SWAP70: variants seen among roughly 807,000 people sequenced by gnomAD.
SWAP70 encodes switching B cell complex subunit SWAP70.
SWAP70 carries 34 observed loss-of-function variants against 80.2 expected under a neutral mutation model. The observed-to-expected ratio is 0.42, with a 90% CI of 0.32 to 0.56. The LOEUF is 0.56. Ranked by LOEUF, SWAP70 falls within the 20% of genes least tolerant of loss-of-function variation. The probability of loss-of-function intolerance (pLI) is 0.09; values close to 1 mark genes in which losing one functional copy is unlikely to be tolerated. For missense variants in SWAP70, 578 were observed against 690.7 expected (o/e 0.84, Z 1.83); for synonymous variants, 239 against 238.5 (o/e 1.00, Z -0.02).
At chr11:9,684,398 A>G (rs1461126766) in intron 1 of SWAP70, among the ~76,000 whole-genome samples, 3 of 152,158 alleles carry the variant, frequency 2.0e-5, no homozygotes. Flanking sequence ...GGTCTTTGTC[A>G]CCACTTTGAA....
chr11:9,705,337 A>G lies in SWAP70; in HGVS notation c.241-8129A>G, dbSNP rs1297474842. Among the ~76,000 whole-genome samples the G allele has an allele frequency of 1.4e-5, 2 of 144,208 alleles. 1 individual carries two copies. The highest frequency in any genetic ancestry group is 5.5e-5 in the African/African-American group (2 of 36,580). The allele number at this position is 144,208 out of a possible 152,430, so 94.6% of individuals were successfully genotyped here. ...CTTGGTGATCTGTATACACTTGGTG[A>G]TCTGTATACACTGGTGATCTGTGTA... On this transcript the variant is annotated intron_variant, in intron 2 of 11. Transcript: ENST00000318950.
chr11:9,694,002 C>T, intron 1 of SWAP70, 144 bp from the exon 2 acceptor site: 3 of 981,290 alleles, frequency 3.1e-6, no homozygotes, highest in South Asian at 5.2e-5. Flanking sequence ...TAGGGGCTTG[C>T]AGCTGAGCAG....
At chr11:9,709,618 G>T (rs1850969467) in intron 2 of SWAP70, among the ~76,000 whole-genome samples, 1 of 152,124 alleles carries the variant, frequency 6.6e-6, no homozygotes, top group Non-Finnish European at 1.5e-5. Flanking sequence ...CTCCCGGGCA[G>T]CTAGGACCAC....
At chr11:9,736,624 G>A (rs971254157) in intron 7 of SWAP70, among the ~76,000 whole-genome samples, 1 of 152,074 alleles carries the variant, frequency 6.6e-6, no homozygotes, top group Non-Finnish European at 1.5e-5. Context: ...CACAGGCTTG[G>A]ACAGGAACAC....
At chr11:9,665,114 A>G (rs1174927179) in intron 1 of SWAP70, among the ~76,000 whole-genome samples, 1 of 152,232 alleles carries the variant, frequency 6.6e-6, no homozygotes, top group Non-Finnish European at 1.5e-5. Flanking sequence ...AAGTAAAAAA[A>G]TATAGAAACA....
chr11:9,745,090 C>G (rs981840271), intron 9 of SWAP70, among the ~76,000 whole-genome samples: 2 of 152,060 alleles, frequency 1.3e-5, no homozygotes, highest in African/African-American at 4.8e-5. Context: ...ATGAATGGAT[C>G]CAATGGGACC....
chr11:9,703,620 A>C (rs1372753169), intron 2 of SWAP70, among the ~76,000 whole-genome samples: 4 of 152,174 alleles, frequency 2.6e-5, no homozygotes, highest in African/African-American at 9.7e-5. Flanking sequence ...CCTCTATAGC[A>C]CTTACTAGTT....
intron 3 of SWAP70, among the ~76,000 whole-genome samples, chr11:9,720,754 A>G (rs1851123937): frequency 6.6e-6 from 1 of 151,972 alleles, no homozygotes; most frequent in South Asian, 2.1e-4. Flanking sequence ...ACCTTGAGCA[A>G]TTGTTTATCT....
In SWAP70 at chr11:9,751,090, T is replaced by G. The variant is rs1197593623; in HGVS notation, c.*1120T>G. On this transcript the variant is annotated 3_prime_UTR_variant, in exon 12 of 12. Transcript: ENST00000318950. ...AAGCTAATTTGAAATAAAAATTATTTGTATAATTAAGAAAGCAGATTAGAT... is the reference window on the plus strand; with the variant it reads ...AAGCTAATTTGAAATAAAAATTATTGGTATAATTAAGAAAGCAGATTAGAT... The G allele has an allele frequency of 1.3e-5, 2 of 152,184 alleles. No homozygotes were observed. Among genetic ancestry groups the G allele is most frequent in the Non-Finnish European group, 2.9e-5 (2 of 68,036 alleles). The allele number at this position is 152,184 out of a possible 1,614,324, so 9.4% of individuals were successfully genotyped here.
At chr11:9,684,311 A>T (rs911023154) in intron 1 of SWAP70, among the ~76,000 whole-genome samples, 2 of 152,060 alleles carry the variant, frequency 1.3e-5, no homozygotes, top group African/African-American at 2.4e-5. Context: ...CAAACTCCTG[A>T]CCTCAAGTGA....
At position 9,683,429 on chromosome 11, in the gene SWAP70, A is replaced by AAAAAG. The variant is rs376930721; in HGVS notation, c.100-10697_100-10693dup. 2.1e-3 allele frequency among the ~76,000 whole-genome samples: 321 copies of AAAAAG among 152,100 alleles called. 4 individuals are homozygous for AAAAAG. Among genetic ancestry groups the AAAAAG allele is most frequent in the African/African-American group, 7.0e-3 (291 of 41,500 alleles). On this transcript the variant is annotated intron_variant, in intron 1 of 11. Coordinates refer to ENST00000318950, the MANE Select transcript of SWAP70 (RefSeq NM_015055.4). ...AGACCCTGTCTCAAAAAAAAAGAAG[A>AAAAAG]AAAAGAAAAGAAAAGAAAAGAAAAT...
At chr11:9,676,349 C>T (rs7925177) in intron 1 of SWAP70, among the ~76,000 whole-genome samples, 136,187 of 152,090 alleles carry the variant, frequency 0.9, 62,269 homozygotes, top group Non-Finnish European at 0.99. Context: ...CACCATTTTT[C>T]CCCCTTGGTT....
intron 9 of SWAP70, among the ~76,000 whole-genome samples, chr11:9,744,650 C>G (rs1250419389): frequency 1.3e-5 from 2 of 152,090 alleles, no homozygotes; most frequent in Non-Finnish European, 2.9e-5. Context: ...GGCTCACGCT[C>G]TAATCCCAGC....
At position 9,725,536 on chromosome 11, in the gene SWAP70, T is replaced by A. The variant is rs1392135571; in HGVS notation, c.642+651T>A. ...GTCTGTATTAAAAATACAAAATATA[T>A]ATATATATATATATATATATATATA... is the stretch of plus-strand genomic sequence containing the variant. On this transcript the variant is annotated intron_variant, in intron 4 of 11. Coordinates refer to ENST00000318950, the MANE Select transcript of SWAP70 (RefSeq NM_015055.4). Among the ~76,000 whole-genome samples, 69 of 23,798 alleles carry A rather than the reference T, an allele frequency of 2.9e-3. 1 individual carries two copies. The highest frequency in any genetic ancestry group is 0.012 in the African/African-American group (62 of 5,272). The allele number at this position is 23,798 out of a possible 152,430, so 15.6% of individuals were successfully genotyped here.
Position 9,686,125 on chromosome 11 carries a change from T to A in SWAP70, c.100-8021T>A, listed in dbSNP as rs1850628654. 3.3e-5 allele frequency among the ~76,000 whole-genome samples: 5 copies of A among 151,928 alleles called. No individual in the cohort carries two copies. In the South Asian group the frequency reaches 1.0e-3, roughly 31 times the overall value. On this transcript the variant is annotated intron_variant, in intron 1 of 11. Transcript: ENST00000318950. ...GGTAATACATAGAATACTCAAACAA[T>A]GTATTAAAGTACAGAGTCCAAAGTA...
intron 1 of SWAP70, among the ~76,000 whole-genome samples, chr11:9,693,836 A>G (rs1487350874): frequency 6.0e-5 from 9 of 149,082 alleles, no homozygotes; most frequent in African/African-American, 2.2e-4. Flanking sequence ...CCCCCACCCC[A>G]CTTTTCTTTC....
chr11:9,711,433 T>C (rs992297408), intron 2 of SWAP70, among the ~76,000 whole-genome samples: 99 of 152,314 alleles, frequency 6.5e-4, no homozygotes, highest in African/African-American at 2.2e-3. Flanking sequence ...GTCTAGCATC[T>C]GAACTTTTTT....
At chr11:9,666,285 C>T (rs950213881) in intron 1 of SWAP70, among the ~76,000 whole-genome samples, 1 of 151,988 alleles carries the variant, frequency 6.6e-6, no homozygotes, top group African/African-American at 2.4e-5. Flanking sequence ...GGGGTTTCAC[C>T]ATGTTGGCCA....
intron 9 of SWAP70, among the ~76,000 whole-genome samples, chr11:9,746,970 A>G (rs1851520212): frequency 6.6e-6 from 1 of 152,190 alleles, no homozygotes; most frequent in Non-Finnish European, 1.5e-5. Flanking sequence ...AGGTAGTAGT[A>G]ACTGACCAGT....
Sources: gnomAD v4.1 joint callset for allele counts (sites outside exome capture counted in the v4.1 genomes callset) on GRCh38, gnomAD v4.1.1 for gene constraint, MANE v1.5 for transcripts, NCBI Gene and HGNC (gene_info 2026-07-23, HGNC 2026-07-21) for gene names.